PGF: variants seen among roughly 807,000 people sequenced by gnomAD.
PGF encodes placental growth factor.
A neutral mutation model predicts 25.3 loss-of-function variants in PGF; 11 were observed. That is an observed-to-expected ratio of 0.43 (90% CI 0.27 to 0.72). PGF has a LOEUF of 0.72. Among genes scored for constraint, PGF ranks in the 30% least tolerant of loss-of-function variants. PGF has a pLI of 0.18. For missense variants in PGF, 230 were observed against 234.9 expected (o/e 0.98, Z 0.14); for synonymous variants, 105 against 97.9 (o/e 1.07, Z -0.43).
intron 6 of PGF, chr14:74,945,373 C>T (rs1266375234): frequency 2.0e-5 from 3 of 152,214 alleles, no homozygotes; most frequent in African/African-American, 4.8e-5. Flanking sequence ...CAAATTGCCG[C>T]GCGGGCCCAG....
Position 74,942,695 on chromosome 14 carries a change from C to T in PGF, c.*11G>A. ...AGCCGGGTGCGGGGTCTCTCTCCTC[C>T]AAGGGGTGGGTTACCTCCGGGGAAC... On this transcript the variant is annotated 3_prime_UTR_variant, in exon 7 of 7. Coordinates refer to ENST00000555567, the MANE Select transcript of PGF (RefSeq NM_002632.6). 3 of 1,612,516 alleles carry T rather than the reference C, an allele frequency of 1.9e-6. No individual in the cohort carries two copies. The highest frequency in any genetic ancestry group is 1.7e-6 in the Non-Finnish European group (2 of 1,179,368).
chr14:74,951,760 C>T (rs1003488912), intron 2 of PGF, among the ~76,000 whole-genome samples: 2 of 151,838 alleles, frequency 1.3e-5, no homozygotes, highest in Non-Finnish European at 2.9e-5. Flanking sequence ...GCCCTGTGGC[C>T]GAACTGTGTT....
At position 74,942,681 on chromosome 14, in the gene PGF, G is replaced by A. The variant is rs1888629612; in HGVS notation, c.*25C>T. ...GTAATAAATACACGAGCCGGGTGCG[G>A]GGTCTCTCTCCTCCAAGGGGTGGGT... On this transcript the variant is annotated 3_prime_UTR_variant, in exon 7 of 7. Coordinates refer to ENST00000555567, the MANE Select transcript of PGF (RefSeq NM_002632.6). 2 of 1,611,206 alleles carry A rather than the reference G, an allele frequency of 1.2e-6. No individual in the cohort carries two copies. The highest frequency in any genetic ancestry group is 1.7e-6 in the Non-Finnish European group (2 of 1,178,360).
intron 6 of PGF, among the ~76,000 whole-genome samples, chr14:74,944,109 C>CTTT (rs546450998): frequency 1.8e-5 from 2 of 112,532 alleles, no homozygotes; most frequent in African/African-American, 3.2e-5. Context: ...TGTTAATTTT[C>CTTT]TTTTTTTTTT....
At chr14:74,949,645 G>A in intron 2 of PGF, 92 bp from the exon 3 acceptor site, 2 of 1,036,142 alleles carry the variant, frequency 1.9e-6, no homozygotes, top group Non-Finnish European at 2.7e-6. Context: ...GGCCTTCCAG[G>A]TTCAGCCCCC....
chr14:74,946,317 C>G, intron 5 of PGF, 42 bp from the exon 6 acceptor site: 1 of 1,614,102 alleles, frequency 6.2e-7, no homozygotes, highest in Non-Finnish European at 8.5e-7. Context: ...CTGGGGAACC[C>G]CATGCTAGGA....
rs768964991 is a variant in PGF at position 74,942,655 on chromosome 14, G to A, written c.*51C>T. Reference sequence around the variant, plus strand: ...AGCAGGAGTCACTGAAGAGTGTGACGGTAATAAATACACGAGCCGGGTGCG... The same window carrying A: ...AGCAGGAGTCACTGAAGAGTGTGACAGTAATAAATACACGAGCCGGGTGCG... On this transcript the variant is annotated 3_prime_UTR_variant, in exon 7 of 7. Coordinates refer to ENST00000555567, the MANE Select transcript of PGF (RefSeq NM_002632.6). 6 of 1,569,260 alleles carry A rather than the reference G, an allele frequency of 3.8e-6. No homozygotes were observed. The highest frequency in any genetic ancestry group is 1.3e-5 in the African/African-American group (1 of 74,110).
At chr14:74,949,976 TCAAACA>T (rs1457555766) in intron 2 of PGF, among the ~76,000 whole-genome samples, 4 of 152,070 alleles carry the variant, frequency 2.6e-5, no homozygotes, top group African/African-American at 9.7e-5. Context: ...ATTCCTCTGC[TCAAACA>T]CCTTCCACGG....
chr14:74,943,135 C>T (rs900807311), intron 6 of PGF, among the ~76,000 whole-genome samples: 7 of 152,194 alleles, frequency 4.6e-5, no homozygotes, highest in Admixed American at 1.3e-4. Context: ...CCTAAGACAG[C>T]AGTCTCCAAA....
rs1888618957 is a variant in PGF at position 74,942,295 on chromosome 14, C to T, written c.*411G>A. 9.2e-6 allele frequency: 1 copy of T among 109,152 alleles called. No individual in the cohort carries two copies. The highest frequency in any genetic ancestry group is 1.3e-4 in the South Asian group (1 of 7,662). The allele number at this position is 109,152 out of a possible 1,614,324, so 6.8% of individuals were successfully genotyped here. On this transcript the variant is annotated 3_prime_UTR_variant, in exon 7 of 7. Coordinates refer to ENST00000555567, the MANE Select transcript of PGF (RefSeq NM_002632.6). Reference sequence around the variant, plus strand: ...AGGCCGTGGCGGCCCCAGCAGGATCCGCATCCCTACTTTGGACAGGAGCTC... The same window carrying T: ...AGGCCGTGGCGGCCCCAGCAGGATCTGCATCCCTACTTTGGACAGGAGCTC...
chr14:74,944,311 C>A (rs535215832), intron 6 of PGF, among the ~76,000 whole-genome samples: 5 of 151,940 alleles, frequency 3.3e-5, no homozygotes, highest in African/African-American at 4.8e-5. Flanking sequence ...ACCATGTTAG[C>A]CAGGATGGTC....
intron 4 of PGF, chr14:74,946,902 C>T (rs981690100): frequency 4.0e-6 from 3 of 752,686 alleles, no homozygotes; most frequent in African/African-American, 1.7e-5. Flanking sequence ...GGAGCATCAG[C>T]CCTGAAGTCA....
At chr14:74,944,041 A>G (rs999735090) in intron 6 of PGF, among the ~76,000 whole-genome samples, 1 of 152,074 alleles carries the variant, frequency 6.6e-6, no homozygotes, top group African/African-American at 2.4e-5. Context: ...GGAAAAAAGA[A>G]ACAATGTAAA....
At chr14:74,946,657 C>G (rs1052162196) in intron 4 of PGF, 1 of 646,342 alleles carries the variant, frequency 1.5e-6, no homozygotes, top group Non-Finnish European at 2.8e-6. Flanking sequence ...CCCTGCCACC[C>G]GCTTCTGCAC....
chr14:74,949,150 C>T (rs896565898), intron 3 of PGF, among the ~76,000 whole-genome samples: 3 of 152,164 alleles, frequency 2.0e-5, no homozygotes, highest in Admixed American at 6.5e-5. Context: ...TAGGACTCAG[C>T]GTGAGGCTGA....
At position 74,948,633 on chromosome 14, in the gene PGF, T is replaced by G. The variant is rs1034962075; in HGVS notation, c.316-50A>C. The G allele has an allele frequency of 3.3e-6, 4 of 1,197,222 alleles. No homozygotes were observed. In the African/African-American group the frequency reaches 6.0e-5, roughly 18 times the overall value. The allele number at this position is 1,197,222 out of a possible 1,614,324, so 74.2% of individuals were successfully genotyped here. On this transcript the variant is annotated intron_variant, in intron 3 of 6. Coordinates refer to ENST00000555567, the MANE Select transcript of PGF (RefSeq NM_002632.6). The stretch of plus-strand genomic sequence containing the variant: ...TGGATTGGGGAGTGGCCCACGAGTT[T>G]CCGGCACTCTTCTCTCTCTCCTTGT...
chr14:74,946,864 G>C (rs1368645688), intron 4 of PGF: 1 of 761,308 alleles, frequency 1.3e-6, no homozygotes, highest in Non-Finnish European at 2.4e-6. Flanking sequence ...ACAACATGGG[G>C]AGTGAGCGAC....
chr14:74,955,173 G>C lies in PGF; in HGVS notation c.70C>G (p.Pro24Ala), dbSNP rs1007121632. ...LAGLALPAVP[P>A]QQWALSAGNG... is the part of the protein sequence containing the mutation. ...TAGGTGGGGGTAGCTCTTACCTGGG[G>C]GGGCACAGCAGGCAGCGCCAGCCCG... Residue 24 changes from proline to alanine, a missense_variant, in exon 1 of 7, where the codon CCC (proline) becomes GCC (alanine). Physicochemically the swap from Pro to Ala is conservative, Grantham distance 27 (BLOSUM62 -1). Coordinates refer to ENST00000555567, the MANE Select transcript of PGF (RefSeq NM_002632.6). The surrounding 1 kb of genome is among the most constrained non-coding windows in gnomAD (Gnocchi z 4.1). 14 of 1,472,556 alleles carry C rather than the reference G, an allele frequency of 9.5e-6. No homozygotes were observed. The highest frequency in any genetic ancestry group is 5.4e-6 in the Non-Finnish European group (6 of 1,102,318). The allele number at this position is 1,472,556 out of a possible 1,614,324, so 91.2% of individuals were successfully genotyped here. A position where few individuals can be genotyped will look rare whatever the true frequency, so the allele number is the denominator to read the frequency against.
chr14:74,951,005 C>T (rs2140407960), intron 2 of PGF, among the ~76,000 whole-genome samples: 1 of 152,348 alleles, frequency 6.6e-6, no homozygotes, highest in Admixed American at 6.5e-5. Flanking sequence ...CCTATGAGGA[C>T]ATGAGCCTCC....
Sources: gnomAD v4.1 joint callset for allele counts (sites outside exome capture counted in the v4.1 genomes callset) on GRCh38, gnomAD v4.1.1 for gene constraint, Gnocchi (gnomAD v3.1) non-coding constraint, MANE v1.5 for transcripts, NCBI Gene and HGNC (gene_info 2026-07-23, HGNC 2026-07-21) for gene names.